GPHN: variants seen among roughly 807,000 people sequenced by gnomAD.
The protein encoded by GPHN is gephyrin.
A neutral mutation model predicts 95.5 loss-of-function variants in GPHN; 17 were observed. That is an observed-to-expected ratio of 0.18 (90% CI 0.12 to 0.27). The LOEUF (loss-of-function observed/expected upper bound fraction) is 0.27. GPHN is among the 10% of genes least tolerant of loss of function. The probability of loss-of-function intolerance (pLI) is 1.00; values close to 1 mark genes in which losing one functional copy is unlikely to be tolerated. For missense variants in GPHN, 660 were observed against 978.1 expected (o/e 0.67, Z 4.34); for synonymous variants, 320 against 322.5 (o/e 0.99, Z 0.08).
the GPHN span, chr14:67,204,883 G>A: frequency 6.2e-7 from 1 of 1,613,918 alleles, no homozygotes. Context: ...AGATTTCCCA[G>A]AATTCACAGA....
chr14:67,523,984 G>A, the GPHN span, among the ~76,000 whole-genome samples: 1 of 152,184 alleles, frequency 6.6e-6, no homozygotes, highest in Non-Finnish European at 1.5e-5. Context: ...AGAACACAGA[G>A]GGGATGAATC....
At chr14:67,180,307 G>A (rs554174501) in intron 22 of GPHN, among the ~76,000 whole-genome samples, 1 of 152,300 alleles carries the variant, frequency 6.6e-6, no homozygotes, top group South Asian at 2.1e-4. Context: ...TTTGCCATCA[G>A]AGAGAACTGC....
At chr14:66,665,561 C>T (rs1350544870) in intron 1 of GPHN, among the ~76,000 whole-genome samples, 1 of 152,174 alleles carries the variant, frequency 6.6e-6, no homozygotes, top group Non-Finnish European at 1.5e-5. Context: ...TACCATCTCA[C>T]ACCAGTTAGA....
At chr14:66,896,318 A>T (rs2064846489) in intron 5 of GPHN, among the ~76,000 whole-genome samples, 2 of 152,180 alleles carry the variant, frequency 1.3e-5, no homozygotes, top group African/African-American at 4.8e-5. Context: ...TACTGTGATT[A>T]TAGTTAAGTA....
rs1162512107 is a variant in GPHN at position 66,512,627 on chromosome 14, T to C, written c.64+4036T>C. Among the ~76,000 whole-genome samples the C allele has an allele frequency of 4.6e-5, 7 of 151,788 alleles. No individual in the cohort carries two copies. The East Asian group carries it at 5.8e-4, about 13-fold the overall frequency. ...TCAGTAAGAGATACTGGAACAAATA[T>C]AAGACTAGGTACTAGAGATTAGTTA... On this transcript the variant is annotated intron_variant, in intron 1 of 22. Transcript: ENST00000478722.
chr14:66,570,664 C>T (rs1457374868), intron 1 of GPHN, among the ~76,000 whole-genome samples: 1 of 152,124 alleles, frequency 6.6e-6, no homozygotes, highest in Non-Finnish European at 1.5e-5. Flanking sequence ...AAGAATTGTT[C>T]TATTTTTAAT....
intron 1 of GPHN, among the ~76,000 whole-genome samples, chr14:66,672,402 CAAT>C (rs2153385308): frequency 6.6e-6 from 1 of 152,218 alleles, no homozygotes; most frequent in East Asian, 1.9e-4. Context: ...ATGAAGTCAT[CAAT>C]AGATGAGAGT....
chr14:67,434,451 A>G, the GPHN span, among the ~76,000 whole-genome samples: 1 of 152,240 alleles, frequency 6.6e-6, no homozygotes, highest in Non-Finnish European at 1.5e-5. Flanking sequence ...CCACTTGCAC[A>G]GTGATTTCTA....
the GPHN span, among the ~76,000 whole-genome samples, chr14:67,457,635 A>C: frequency 6.6e-6 from 1 of 152,238 alleles, no homozygotes; most frequent in African/African-American, 2.4e-5. Context: ...CAAATGCCTA[A>C]AGAAGGAAGC....
At chr14:67,325,979 C>CTTTTTTT in the GPHN span, among the ~76,000 whole-genome samples, 112 of 110,156 alleles carry the variant, frequency 1.0e-3, no homozygotes, top group African/African-American at 1.7e-3. Context: ...CGGCTCTTTT[C>CTTTTTTT]TTTTTTTTTT....
the GPHN span, chr14:67,690,278 G>C: frequency 6.8e-6 from 11 of 1,614,180 alleles, no homozygotes; most frequent in East Asian, 2.5e-4. Flanking sequence ...CAGTAGGCCA[G>C]GCCTGCATTG....
At chr14:66,927,888 G>A (rs745322169) in intron 8 of GPHN, among the ~76,000 whole-genome samples, 2 of 152,086 alleles carry the variant, frequency 1.3e-5, no homozygotes, top group Non-Finnish European at 2.9e-5. Context: ...GGGATGAATC[G>A]CACTTGGTCA....
intron 4 of GPHN, chr14:66,842,798 A>T: frequency 1.0e-6 from 1 of 994,406 alleles, no homozygotes; most frequent in East Asian, 2.6e-5. Context: ...ATCATAAAAA[A>T]TGCTTGGATC....
the GPHN span, among the ~76,000 whole-genome samples, chr14:67,476,873 C>G: frequency 6.6e-6 from 1 of 152,116 alleles, no homozygotes; most frequent in Non-Finnish European, 1.5e-5. Context: ...CGCCTGTAAT[C>G]CCAGCACTTT....
chr14:66,531,249 T>G (rs965404513), intron 1 of GPHN, among the ~76,000 whole-genome samples: 9 of 152,232 alleles, frequency 5.9e-5, no homozygotes, highest in Admixed American at 5.2e-4. Flanking sequence ...CTTGGCCAAA[T>G]TTAGGTTTAT....
rs557866576 is a variant in GPHN, at chr14:66,761,272, A to G, written c.144-15192A>G. On this transcript the variant is annotated intron_variant, in intron 2 of 22. Coordinates refer to ENST00000478722, the MANE Select transcript of GPHN (RefSeq NM_020806.5). Reference sequence around the variant, plus strand: ...TTATAACTATAGAAGTGAATTGTGGATGTAAAATGGTTATGCCATTTGGAT... The same window carrying G: ...TTATAACTATAGAAGTGAATTGTGGGTGTAAAATGGTTATGCCATTTGGAT... Among the ~76,000 whole-genome samples the G allele has an allele frequency of 2.0e-5, 3 of 152,328 alleles. No individual in the cohort carries two copies. The East Asian group carries it at 5.8e-4, about 29-fold the overall frequency.
chr14:67,120,857 A>G (rs2078977060), intron 16 of GPHN, among the ~76,000 whole-genome samples: 1 of 152,194 alleles, frequency 6.6e-6, no homozygotes, highest in South Asian at 2.1e-4. Flanking sequence ...TTAAATTAGT[A>G]AGTATTCGAA....
Position 66,768,917 on chromosome 14 carries a change from CTA to C in GPHN, c.144-7538_144-7537del, listed in dbSNP as rs199795070. Among the ~76,000 whole-genome samples, 12 of 151,910 alleles carry C rather than the reference CTA, an allele frequency of 7.9e-5. No homozygotes were observed. In the East Asian group the frequency reaches 2.3e-3, roughly 29 times the overall value. On this transcript the variant is annotated intron_variant, in intron 2 of 22. Transcript: ENST00000478722. ...GTCTAGATTTTAAAAGATACGTATACTATATATATAATATACATATATACTTG... is the reference window on the plus strand; with the variant it reads ...GTCTAGATTTTAAAAGATACGTATACTATATATAATATACATATATACTTG...
At chr14:66,767,747 CA>C (rs1242502052) in intron 2 of GPHN, among the ~76,000 whole-genome samples, 4 of 151,864 alleles carry the variant, frequency 2.6e-5, no homozygotes, top group Non-Finnish European at 4.4e-5. Context: ...CAGTCATGTC[CA>C]AGCCACAGTT....
Sources: gnomAD v4.1 joint callset for allele counts (sites outside exome capture counted in the v4.1 genomes callset) on GRCh38, gnomAD v4.1.1 for gene constraint, MANE v1.5 for transcripts, NCBI Gene and HGNC (gene_info 2026-07-23, HGNC 2026-07-21) for gene names.